Variants in PTPRD observed in about 807,000 individuals in gnomAD.
PTPRD encodes receptor-type tyrosine-protein phosphatase delta.
In PTPRD, 34 loss-of-function variants were observed where a neutral mutation model predicts 214.5. That is an observed-to-expected ratio of 0.16 (90% CI 0.12 to 0.21). The LOEUF (loss-of-function observed/expected upper bound fraction) is 0.21, where lower values mean the gene tolerates loss of function less well. PTPRD is among the 10% of genes least tolerant of loss of function. PTPRD has a pLI of 1.00. For missense variants in PTPRD, 2,545 were observed against 2,398.7 expected, an observed-to-expected ratio of 1.06 and a Z score of -1.27; for synonymous variants, 1,128 against 845.7, an observed-to-expected ratio of 1.33 and a Z score of -5.79.
In PTPRD at chr9:8,634,051, A is replaced by G. The variant is rs78273328; in HGVS notation, c.211-593T>C. ...TAATTTTGCCATAAATCATTCCAGT[A>G]TTTGTTCTAGCTTAGCATTTTCTGC... On this transcript the variant is annotated intron_variant, in intron 13 of 45. Transcript: ENST00000381196. Among the ~76,000 whole-genome samples, 1,329 of 151,970 alleles carry G rather than the reference A, an allele frequency of 8.7e-3. 18 individuals are homozygous for G. Among genetic ancestry groups the G allele is most frequent in the African/African-American group, 0.028 (1,177 of 41,456 alleles).
chr9:9,498,595 G>C (rs1024600030), intron 8 of PTPRD, among the ~76,000 whole-genome samples: 2 of 151,962 alleles, frequency 1.3e-5, no homozygotes, highest in African/African-American at 4.8e-5. Flanking sequence ...GTTGAGAAAA[G>C]AAAAATTTTA....
At chr9:9,469,124 T>C (rs1359933990) in intron 8 of PTPRD, among the ~76,000 whole-genome samples, 1 of 152,150 alleles carries the variant, frequency 6.6e-6, no homozygotes, top group Admixed American at 6.5e-5. Context: ...TTTGAAGACT[T>C]AGTATGAAAA....
intron 4 of PTPRD, among the ~76,000 whole-genome samples, chr9:9,986,222 T>G (rs1278593749): frequency 6.6e-6 from 1 of 152,166 alleles, no homozygotes; most frequent in East Asian, 1.9e-4. Context: ...TTTAAAATGT[T>G]GTATTTCTTC....
chr9:9,993,482 T>C (rs1414214355), intron 4 of PTPRD, among the ~76,000 whole-genome samples: 1 of 152,292 alleles, frequency 6.6e-6, no homozygotes, highest in Admixed American at 6.5e-5. Context: ...TGAAAATAGA[T>C]GTGCTACAAC....
intron 39 of PTPRD, among the ~76,000 whole-genome samples, chr9:8,348,426 A>T (rs2133025141): frequency 6.6e-6 from 1 of 152,214 alleles, no homozygotes; most frequent in African/African-American, 2.4e-5. Flanking sequence ...ATGACCAACA[A>T]CTTGGTTTTG....
intron 5 of PTPRD, among the ~76,000 whole-genome samples, chr9:9,876,154 C>T (rs576455806): frequency 1.3e-5 from 2 of 152,122 alleles, no homozygotes; most frequent in South Asian, 4.1e-4. Flanking sequence ...ATTATGGGTA[C>T]CTGAGTTCCA....
intron 3 of PTPRD, among the ~76,000 whole-genome samples, chr9:10,061,442 C>T (rs1351935478): frequency 3.9e-5 from 6 of 152,078 alleles, no homozygotes; most frequent in South Asian, 2.1e-4. Context: ...CTCTCTCTTT[C>T]GCCTTCTCAC....
intron 14 of PTPRD, among the ~76,000 whole-genome samples, chr9:8,560,476 T>C (rs73640932): frequency 0.24 from 35,480 of 145,472 alleles, 5,971 homozygotes; most frequent in African/African-American, 0.52. Context: ...CACACACATA[T>C]ATACACTGTT....
chr9:10,359,076 G>C (rs1440091435), intron 2 of PTPRD, among the ~76,000 whole-genome samples: 3 of 151,870 alleles, frequency 2.0e-5, no homozygotes, highest in East Asian at 1.9e-4. Context: ...TCACAATGTG[G>C]AACAACGGTA....
At chr9:9,280,065 A>G (rs951288533) in intron 9 of PTPRD, among the ~76,000 whole-genome samples, 1 of 151,344 alleles carries the variant, frequency 6.6e-6, no homozygotes, top group African/African-American at 2.4e-5. Context: ...AAACTGTTTT[A>G]CAAAGTGTGG....
At chr9:9,766,246 A>C (rs970976524) in intron 6 of PTPRD, among the ~76,000 whole-genome samples, 4 of 152,160 alleles carry the variant, frequency 2.6e-5, no homozygotes, top group Non-Finnish European at 5.9e-5. Context: ...TCATGATAGC[A>C]TTCCAGTTTG....
chr9:10,389,364 T>C (rs1181193524), intron 2 of PTPRD, among the ~76,000 whole-genome samples: 1 of 151,808 alleles, frequency 6.6e-6, no homozygotes, highest in Admixed American at 6.6e-5. Flanking sequence ...CTTATCAGAG[T>C]GCTATTTTAA....
intron 9 of PTPRD, among the ~76,000 whole-genome samples, chr9:9,195,098 A>ATATATATATATATATG (rs1569560966): frequency 7.1e-6 from 1 of 141,146 alleles, no homozygotes; most frequent in East Asian, 2.2e-4. Flanking sequence ...ATATATATAT[A>ATATATATATATATATG]TATATATATA....
chr9:9,254,931 A>G (rs1018259277), intron 9 of PTPRD, among the ~76,000 whole-genome samples: 2 of 152,050 alleles, frequency 1.3e-5, no homozygotes, highest in African/African-American at 4.8e-5. Flanking sequence ...ACAGTTTTAT[A>G]TCTCCTCTAA....
chr9:10,423,793 A>T (rs889484512), intron 2 of PTPRD, among the ~76,000 whole-genome samples: 4 of 152,010 alleles, frequency 2.6e-5, no homozygotes, highest in African/African-American at 9.7e-5. Flanking sequence ...GTTTCAGTCC[A>T]TGACGTGTAT....
chr9:8,701,215 A>G (rs931884029), intron 12 of PTPRD, among the ~76,000 whole-genome samples: 4 of 152,208 alleles, frequency 2.6e-5, no homozygotes, highest in Admixed American at 2.6e-4. Flanking sequence ...GGGAAAAAAA[A>G]TAAGAATCTT....
intron 11 of PTPRD, among the ~76,000 whole-genome samples, chr9:8,984,828 G>C (rs905337545): frequency 1.3e-5 from 2 of 152,002 alleles, no homozygotes; most frequent in Non-Finnish European, 2.9e-5. Context: ...GCTTGGATGT[G>C]GGAATCATAT....
At chr9:8,590,734 G>C (rs2094031927) in intron 14 of PTPRD, among the ~76,000 whole-genome samples, 1 of 152,110 alleles carries the variant, frequency 6.6e-6, no homozygotes. Flanking sequence ...AGAAATACTA[G>C]GGATTTGCAT....
intron 2 of PTPRD, among the ~76,000 whole-genome samples, chr9:10,548,716 C>T (rs757779426): frequency 5.0e-4 from 68 of 134,868 alleles, no homozygotes; most frequent in Middle Eastern, 3.6e-3. Flanking sequence ...AACCAGGCAT[C>T]CTTTGCCACT....
Sources: allele counts gnomAD v4.1 joint callset (sites outside exome capture counted in the v4.1 genomes callset), GRCh38; gene constraint gnomAD v4.1.1; transcripts MANE v1.5; gene names NCBI Gene and HGNC (gene_info 2026-07-23, HGNC 2026-07-21).